The following ANO10 variants were observed in gnomAD, a reference collection of about 807,000 sequenced individuals.
ANO10 encodes anoctamin 10, also known as anoctamin-10.
Under a neutral mutation model 74.7 loss-of-function variants are expected in ANO10, and 77 were observed. The ratio of observed to expected loss-of-function variants is 1.03; its 90% CI spans 0.86 to 1.25. The LOEUF is 1.25. Ranked by LOEUF, ANO10 falls within the 50% of genes most tolerant of loss-of-function variation. The pLI, the probability that ANO10 is intolerant of heterozygous loss-of-function variation, is 0.00. For synonymous variants in ANO10, 279 were observed against 284.9 expected (o/e 0.98, Z 0.21); for missense variants, 721 against 778.1 (o/e 0.93, Z 0.87).
At chr3:43,684,724 A>G (rs1178052234) in intron 1 of ANO10, among the ~76,000 whole-genome samples, 2 of 152,372 alleles carry the variant, frequency 1.3e-5, no homozygotes, top group East Asian at 3.9e-4. Flanking sequence ...AATGTGGCAC[A>G]TATACACCAT....
At chr3:43,530,919 C>T (rs775994841) in intron 11 of ANO10, among the ~76,000 whole-genome samples, 3 of 151,946 alleles carry the variant, frequency 2.0e-5, no homozygotes, top group Non-Finnish European at 4.4e-5. Context: ...TAAAACATTA[C>T]ACTGATAAGA....
At chr3:43,447,871 T>C (rs1014624236) in intron 11 of ANO10, among the ~76,000 whole-genome samples, 1 of 152,216 alleles carries the variant, frequency 6.6e-6, no homozygotes, top group Non-Finnish European at 1.5e-5. Context: ...CCAAGGCCCA[T>C]AGTTTACATT....
intron 11 of ANO10, among the ~76,000 whole-genome samples, chr3:43,459,050 C>T (rs939025289): frequency 3.3e-5 from 5 of 152,120 alleles, no homozygotes; most frequent in Admixed American, 6.6e-5. Context: ...CCAGGTGGAA[C>T]ATAAATATAT....
rs146274139 is a variant in ANO10 at position 43,621,256 on chromosome 3, G to A, written c.-12+653C>T. On this transcript the variant is annotated intron_variant, in intron 1 of 12. Transcript: ENST00000292246. ...ACAAAATCAGACGCTGCCTATAGGGGAGAACCCCATTCCATCCACGTTTCT... is the reference window on the plus strand; with the variant it reads ...ACAAAATCAGACGCTGCCTATAGGGAAGAACCCCATTCCATCCACGTTTCT... 2.1e-3 allele frequency among the ~76,000 whole-genome samples: 323 copies of A among 152,242 alleles called. 3 individuals carry two copies. The East Asian group carries it at 0.025, about 12-fold the overall frequency.
At chr3:43,410,275 G>C (rs535234022) in intron 12 of ANO10, among the ~76,000 whole-genome samples, 2 of 152,064 alleles carry the variant, frequency 1.3e-5, no homozygotes, top group South Asian at 2.1e-4. Flanking sequence ...TTTAGAGACA[G>C]AGTCTCTCTG....
chr3:43,625,978 G>A (rs2083487669), upstream of ANO10, among the ~76,000 whole-genome samples: 1 of 151,430 alleles, frequency 6.6e-6, no homozygotes, highest in Non-Finnish European at 1.5e-5. Flanking sequence ...CTGTTCCCCA[G>A]GCTAGAGTGC....
At chr3:43,404,433 C>T (rs1028600755) in intron 12 of ANO10, among the ~76,000 whole-genome samples, 4 of 152,138 alleles carry the variant, frequency 2.6e-5, no homozygotes, top group African/African-American at 9.7e-5. Flanking sequence ...AGACCAAAGC[C>T]CCAGCTGACA....
intron 9 of ANO10, 50 bp downstream of exon 9, chr3:43,561,170 G>T: frequency 6.4e-7 from 1 of 1,574,338 alleles, no homozygotes; most frequent in Non-Finnish European, 8.7e-7. Context: ...TCAGTGCATG[G>T]CTATTATTCA....
intron 11 of ANO10, among the ~76,000 whole-genome samples, chr3:43,453,414 C>T (rs1283555270): frequency 1.3e-5 from 2 of 152,138 alleles, no homozygotes; most frequent in African/African-American, 4.8e-5. Flanking sequence ...CTCCTGACCT[C>T]ATGATATGCC....
intron 1 of ANO10, chr3:43,690,942 G>C (rs1399819007): frequency 6.5e-7 from 1 of 1,539,674 alleles, no homozygotes; most frequent in South Asian, 1.2e-5. Context: ...CGGCCCAGTC[G>C]GCCTGTCAGC....
intron 11 of ANO10, among the ~76,000 whole-genome samples, chr3:43,544,828 C>A (rs955776211): frequency 2.7e-5 from 4 of 149,400 alleles, no homozygotes; most frequent in Admixed American, 2.0e-4. Flanking sequence ...GAATCAGAAA[C>A]CTGCGTAAAA....
At chr3:43,595,278 C>T (rs1262556949) in intron 4 of ANO10, among the ~76,000 whole-genome samples, 1 of 152,162 alleles carries the variant, frequency 6.6e-6, no homozygotes, top group Non-Finnish European at 1.5e-5. Flanking sequence ...CCAGCATCAT[C>T]CTGATACCAA....
chr3:43,642,121 C>T (rs1172960645), intron 1 of ANO10, among the ~76,000 whole-genome samples: 5 of 152,196 alleles, frequency 3.3e-5, no homozygotes, highest in Non-Finnish European at 7.3e-5. Context: ...ATCATTGCTT[C>T]AAAGCCCTTT....
At chr3:43,557,165 A>C (rs1336455940) in intron 9 of ANO10, among the ~76,000 whole-genome samples, 2 of 152,070 alleles carry the variant, frequency 1.3e-5, no homozygotes, top group Non-Finnish European at 2.9e-5. Context: ...AAAAAAAAAA[A>C]CACTGTGCAA....
chr3:43,592,751 A>C (rs1316499097), intron 4 of ANO10, among the ~76,000 whole-genome samples: 1 of 152,234 alleles, frequency 6.6e-6, no homozygotes, highest in Non-Finnish European at 1.5e-5. Flanking sequence ...ACAGAGAATG[A>C]CTTTGACGAG....
intron 12 of ANO10, among the ~76,000 whole-genome samples, chr3:43,369,762 G>GA: frequency 6.6e-6 from 1 of 152,242 alleles, no homozygotes; most frequent in Non-Finnish European, 1.5e-5. Context: ...GCCAATGGCA[G>GA]AACCAGAAAT....
intron 4 of ANO10, among the ~76,000 whole-genome samples, chr3:43,581,912 C>CAAG (rs1231580829): frequency 1.5e-5 from 2 of 133,392 alleles, no homozygotes; most frequent in Non-Finnish European, 3.2e-5. Flanking sequence ...GGCAACAGAG[C>CAAG]AAGACCTCAT....
chr3:43,369,479 G>C (rs1227060505), intron 12 of ANO10, among the ~76,000 whole-genome samples: 9 of 152,248 alleles, frequency 5.9e-5, no homozygotes, highest in South Asian at 2.1e-4. Context: ...CTGGAGCAAG[G>C]CTTCTTTTAA....
chr3:43,596,835 A>G (rs888498805), intron 4 of ANO10, among the ~76,000 whole-genome samples: 1 of 152,256 alleles, frequency 6.6e-6, no homozygotes, highest in African/African-American at 2.4e-5. Context: ...CAACCCACAG[A>G]ATGGGAGAAA....
Sources: allele counts gnomAD v4.1 joint callset (sites outside exome capture counted in the v4.1 genomes callset), GRCh38; gene constraint gnomAD v4.1.1; transcripts MANE v1.5; gene names NCBI Gene and HGNC (gene_info 2026-07-23, HGNC 2026-07-21).